DNAI4: variants seen among roughly 807,000 people sequenced by gnomAD.
DNAI4 encodes dynein axonemal intermediate chain 4.
In DNAI4, 85 loss-of-function variants were observed where a neutral mutation model predicts 105.8. The observed-to-expected ratio is 0.80, with a 90% CI of 0.67 to 0.96. The LOEUF is 0.96. DNAI4 is among the 40% of genes least tolerant of loss of function. The pLI is 0.00. For synonymous variants in DNAI4, 352 were observed against 331.5 expected, an observed-to-expected ratio of 1.06 and a Z score of -0.67; for missense variants, 1,014 against 1,005.6, an observed-to-expected ratio of 1.01 and a Z score of -0.11.
intron 7 of DNAI4, among the ~76,000 whole-genome samples, chr1:66,850,293 G>GA (rs763250199): frequency 6.6e-6 from 1 of 152,058 alleles, no homozygotes; most frequent in Non-Finnish European, 1.5e-5. Flanking sequence ...TGAGTGGAAA[G>GA]AATGGTCAAT....
chr1:66,886,970 G>GA (rs1371288132), intron 4 of DNAI4, among the ~76,000 whole-genome samples: 1 of 148,428 alleles, frequency 6.7e-6, no homozygotes, highest in African/African-American at 2.5e-5. Context: ...GTCTTTGTTA[G>GA]AAAAAAAGGG....
At chr1:66,917,684 A>G (rs1650168735) in intron 1 of DNAI4, among the ~76,000 whole-genome samples, 2 of 152,178 alleles carry the variant, frequency 1.3e-5, no homozygotes, top group South Asian at 2.1e-4. Context: ...CAAAATTTTG[A>G]GCATATTTGT....
In DNAI4 at chr1:66,826,992, A is replaced by G. The variant is rs1645769688; in HGVS notation, c.2167T>C (p.Cys723Arg). ...ATAATAACACCCCAATCTGCAGAACAGCTTAAAAATACATCATGACAAAAT... is the reference window on the plus strand; with the variant it reads ...ATAATAACACCCCAATCTGCAGAACGGCTTAAAAATACATCATGACAAAAT... Reference protein sequence around the residue: ...NPFCHDVFLSCSADWGVIIWQ... With the variant: ...NPFCHDVFLSRSADWGVIIWQ... Residue 723 changes from cysteine to arginine, a missense_variant, in exon 15 of 17, where the codon TGT (cysteine) becomes CGT (arginine). By Grantham distance (180) the Cys-to-Arg change is radical (BLOSUM62 -3). Transcript: ENST00000371026. 1 of 1,614,178 alleles carries G rather than the reference A, an allele frequency of 6.2e-7. No individual in the cohort carries two copies. The highest frequency in any genetic ancestry group is 8.5e-7 in the Non-Finnish European group (1 of 1,180,032).
In DNAI4 at chr1:66,821,091, CTTTTTT is replaced by C. The variant is rs55811909; in HGVS notation, c.2496+1264_2496+1269del. On this transcript the variant is annotated intron_variant, in intron 16 of 16. Transcript: ENST00000371026. The stretch of plus-strand genomic sequence containing the variant: ...GAATCAATATTCTCTAAACATTTCT[CTTTTTT>C]TTTTTTTTTTTTTTTTTTTGAGTCA... 1.9e-3 allele frequency among the ~76,000 whole-genome samples: 149 copies of C among 80,308 alleles called. 1 individual carries two copies. The highest frequency in any genetic ancestry group is 7.8e-3 in the Middle Eastern group (1 of 128). The allele number at this position is 80,308 out of a possible 152,430, so 52.7% of individuals were successfully genotyped here. A position where few individuals can be genotyped will look rare whatever the true frequency, so the allele number is the denominator to read the frequency against.
At chr1:66,822,035 T>C (rs2454323) in intron 16 of DNAI4, among the ~76,000 whole-genome samples, 149,757 of 152,254 alleles carry the variant, frequency 0.98, 73,704 homozygotes, top group Middle Eastern at 1. Context: ...TAATACATGA[T>C]GTAAACTTCT....
chr1:66,826,765 T>C, intron 15 of DNAI4, 55 bp downstream of exon 15: 1 of 1,502,152 alleles, frequency 6.7e-7, no homozygotes, highest in African/African-American at 1.4e-5. Context: ...CTATCAGGTA[T>C]CACTTAGTTT....
rs748320985 is a variant in DNAI4, at chr1:66,847,656, C to T, written c.1119G>A (p.Met373Ile). The change falls in exon 8 of 17, where the codon ATG becomes ATA. Residue 373 changes from methionine to isoleucine, a missense_variant. Coordinates refer to ENST00000371026, the MANE Select transcript of DNAI4 (RefSeq NM_024763.5). Reference protein sequence around the residue: ...TEKNSETSSLMDIENVILAKI... With the variant: ...TEKNSETSSLIDIENVILAKI... ...TTGCCAGAATTACATTTTCTATGTC[C>T]ATTAGAGAACTAGTTTCACTATCTA... is the stretch of plus-strand genomic sequence containing the variant. 6 of 1,608,080 alleles carry T rather than the reference C, an allele frequency of 3.7e-6. No individual in the cohort carries two copies. The highest frequency in any genetic ancestry group is 5.1e-6 in the Non-Finnish European group (6 of 1,177,896).
chr1:66,832,544 G>A (rs906152414), intron 13 of DNAI4, among the ~76,000 whole-genome samples: 2 of 152,112 alleles, frequency 1.3e-5, no homozygotes, highest in Non-Finnish European at 2.9e-5. Flanking sequence ...TAGGGCAGTG[G>A]TGGGGATGGT....
intron 1 of DNAI4, chr1:66,919,149 C>A: frequency 2.3e-6 from 1 of 433,992 alleles, no homozygotes; most frequent in South Asian, 1.7e-5. Flanking sequence ...ATGCCCTGAC[C>A]ACCTTAGGCA....
chr1:66,815,654 G>A (rs1416864137), intron 16 of DNAI4, among the ~76,000 whole-genome samples: 2 of 152,256 alleles, frequency 1.3e-5, no homozygotes, highest in East Asian at 3.9e-4. Context: ...AGTTGCTTCT[G>A]TAACTCTCCA....
intron 10 of DNAI4, among the ~76,000 whole-genome samples, chr1:66,836,140 A>AAAAGAAAGAAAGAAAG (rs1165479234): frequency 5.2e-5 from 5 of 96,070 alleles, no homozygotes; most frequent in Admixed American, 1.2e-4. Flanking sequence ...AGAAAGAAAG[A>AAAAGAAAGAAAGAAAG]AAAGAAAGAA....
At chr1:66,888,198 G>A (rs1647304682) in intron 4 of DNAI4, among the ~76,000 whole-genome samples, 1 of 151,978 alleles carries the variant, frequency 6.6e-6, no homozygotes, top group South Asian at 2.1e-4. Flanking sequence ...TTACTGCTTA[G>A]GCCTAAACCC....
At chr1:66,896,792 C>T (rs186319468) in intron 2 of DNAI4, among the ~76,000 whole-genome samples, 6 of 152,152 alleles carry the variant, frequency 3.9e-5, no homozygotes, top group Admixed American at 2.6e-4. Flanking sequence ...ACATCCTAGC[C>T]TCCAGAACTG....
intron 6 of DNAI4, chr1:66,870,885 T>C (rs1341057474): frequency 6.5e-6 from 1 of 153,068 alleles, no homozygotes; most frequent in Non-Finnish European, 1.4e-5. Context: ...AGGTGGTAAG[T>C]ATAGTAGTTA....
intron 15 of DNAI4, 24 bp downstream of exon 15, chr1:66,826,796 T>C: frequency 6.4e-7 from 1 of 1,562,650 alleles, no homozygotes; most frequent in East Asian, 2.3e-5. Flanking sequence ...TACTAAAATT[T>C]ATGCAAGAAA....
At chr1:66,888,513 T>C (rs1200216898) in intron 4 of DNAI4, among the ~76,000 whole-genome samples, 1 of 152,072 alleles carries the variant, frequency 6.6e-6, no homozygotes, top group East Asian at 1.9e-4. Flanking sequence ...TGCAACATGG[T>C]GAAACCCCGT....
intron 4 of DNAI4, among the ~76,000 whole-genome samples, chr1:66,884,701 T>C (rs1569759175): frequency 6.6e-6 from 1 of 152,208 alleles, no homozygotes; most frequent in Non-Finnish European, 1.5e-5. Context: ...TATCTTAGTC[T>C]AGCTTTGGCA....
chr1:66,852,387 T>G (rs955420651), intron 7 of DNAI4, among the ~76,000 whole-genome samples: 3 of 151,962 alleles, frequency 2.0e-5, no homozygotes, highest in Non-Finnish European at 4.4e-5. Flanking sequence ...TTTATGAAAC[T>G]ATTATAATAA....
At chr1:66,850,179 A>G (rs1646367692) in intron 7 of DNAI4, among the ~76,000 whole-genome samples, 1 of 151,542 alleles carries the variant, frequency 6.6e-6, no homozygotes, top group East Asian at 1.9e-4. Flanking sequence ...GCAGCAAGAG[A>G]GAAATGACAC....
Sources: gnomAD v4.1 joint callset for allele counts (sites outside exome capture counted in the v4.1 genomes callset) on GRCh38, gnomAD v4.1.1 for gene constraint, MANE v1.5 for transcripts, NCBI Gene and HGNC (gene_info 2026-07-23, HGNC 2026-07-21) for gene names.